The following SLC66A1 variants were observed in gnomAD, a reference collection of about 807,000 sequenced individuals.
SLC66A1 encodes the protein lysosomal amino acid transporter 1 homolog.
Under a neutral mutation model 33.0 loss-of-function variants are expected in SLC66A1, and 23 were observed. The ratio of observed to expected loss-of-function variants is 0.70; its 90% CI spans 0.50 to 0.99. The LOEUF (loss-of-function observed/expected upper bound fraction) is 0.99. Among genes scored for constraint, SLC66A1 ranks in the 50% least tolerant of loss-of-function variants. The pLI, the probability that SLC66A1 is intolerant of heterozygous loss-of-function variation, is 0.00. For synonymous variants in SLC66A1, 164 were observed against 175.5 expected, an observed-to-expected ratio of 0.93 and a Z score of 0.52; for missense variants, 335 against 383.6, an observed-to-expected ratio of 0.87 and a Z score of 1.06.
At chr1:19,318,949 G>A (rs1421250661) in intron 2 of SLC66A1, among the ~76,000 whole-genome samples, 2 of 152,142 alleles carry the variant, frequency 1.3e-5, no homozygotes, top group East Asian at 3.8e-4. Context: ...ACAGAGAAGG[G>A]GCAGCTGCGT....
chr1:19,328,166 G>T lies in SLC66A1; in HGVS notation c.805-406G>T, dbSNP rs561782328. Reference sequence around the variant, plus strand: ...TCTCATTTCGGAGCAAGTAAACATGGCCTTTGTTTTAATATTTGTTAAGTC... The same window carrying T: ...TCTCATTTCGGAGCAAGTAAACATGTCCTTTGTTTTAATATTTGTTAAGTC... On this transcript the variant is annotated intron_variant, in intron 7 of 7. Transcript: ENST00000375153. This position sits in a 1 kb window ranked among gnomAD's most constrained non-coding sequence, Gnocchi z 4.7. The T allele has an allele frequency of 3.5e-5, 11 of 312,004 alleles. No homozygotes were observed. The highest frequency in any genetic ancestry group is 1.2e-5 in the Non-Finnish European group (2 of 163,738). The allele number at this position is 312,004 out of a possible 1,614,324, so 19.3% of individuals were successfully genotyped here.
At chr1:19,326,719 C>T (rs931283388) in intron 6 of SLC66A1, 96 bp downstream of exon 6, 2 of 1,308,462 alleles carry the variant, frequency 1.5e-6, no homozygotes, top group African/African-American at 1.5e-5. Flanking sequence ...GCATAGGAGC[C>T]TTGGTTCAGA....
rs888896990 is a variant in SLC66A1, at chr1:19,319,774, G to A, written c.164+1933G>A. Among the ~76,000 whole-genome samples the A allele has an allele frequency of 3.3e-5, 5 of 150,954 alleles. No individual in the cohort carries two copies. The East Asian group carries it at 6.0e-4, about 18-fold the overall frequency. On this transcript the variant is annotated intron_variant, in intron 2 of 7. Transcript: ENST00000375153. ...AAAAATTAGCGGGGTGTGGTGGCGC[G>A]TGCCTGTGGTCCCAGCTACTCGGGA...
At chr1:19,323,807 C>A (rs913647054) in intron 2 of SLC66A1, among the ~76,000 whole-genome samples, 1 of 152,178 alleles carries the variant, frequency 6.6e-6, no homozygotes, top group African/African-American at 2.4e-5. Flanking sequence ...TGGTTAAGAG[C>A]AAGACCGGAG....
Position 19,328,031 on chromosome 1 carries a change from G to A in SLC66A1, c.805-541G>A, listed in dbSNP as rs1448479597. 5 of 243,808 alleles carry A rather than the reference G, an allele frequency of 2.1e-5. No individual in the cohort carries two copies. Among genetic ancestry groups the A allele is most frequent in the Non-Finnish European group, 2.5e-5 (3 of 122,124 alleles). The allele number at this position is 243,808 out of a possible 1,614,324, so 15.1% of individuals were successfully genotyped here. A position where few individuals can be genotyped will look rare whatever the true frequency, so the allele number is the denominator to read the frequency against. On this transcript the variant is annotated intron_variant, in intron 7 of 7. Coordinates refer to ENST00000375153, the MANE Select transcript of SLC66A1 (RefSeq NM_001040125.2). The surrounding 1 kb of genome is among the most constrained non-coding windows in gnomAD (Gnocchi z 4.7). The stretch of plus-strand genomic sequence containing the variant: ...CACCTCAGTTAACAGCCACTGTCTC[G>A]TCAGGATGTTGTGTAAGATGAGGTA...
At position 19,328,990 on chromosome 1, in the gene SLC66A1, C is replaced by A. The variant is rs1253292616; in HGVS notation, c.*347C>A. On this transcript the variant is annotated 3_prime_UTR_variant, in exon 8 of 8. Transcript: ENST00000375153. The surrounding 1 kb of genome is among the most constrained non-coding windows in gnomAD (Gnocchi z 4.7). The stretch of plus-strand genomic sequence containing the variant: ...TGAATAAACAGGCCGGGTACAGTGG[C>A]TCGCACCTGTAATCCTAGCACTTTG... 1 of 348,412 alleles carries A rather than the reference C, an allele frequency of 2.9e-6. No individual in the cohort carries two copies. The highest frequency in any genetic ancestry group is 5.3e-6 in the Non-Finnish European group (1 of 187,950). 21.6% of individuals were successfully genotyped at this position (348,412 alleles called of 1,614,324 possible). A position where few individuals can be genotyped will look rare whatever the true frequency, so the allele number is the denominator to read the frequency against.
In SLC66A1 at chr1:19,329,018, A is replaced by G; in HGVS notation, c.*375A>G. ...GCACCTGTAATCCTAGCACTTTGGG[A>G]GGCCGAAGCGGGTGGACCACTTGAC... On this transcript the variant is annotated 3_prime_UTR_variant, in exon 8 of 8. Coordinates refer to ENST00000375153, the MANE Select transcript of SLC66A1 (RefSeq NM_001040125.2). The G allele has an allele frequency of 4.0e-6, 1 of 247,138 alleles. No individual in the cohort carries two copies. The highest frequency in any genetic ancestry group is 2.3e-5 in the African/African-American group (1 of 44,092). 15.3% of individuals were successfully genotyped at this position (247,138 alleles called of 1,614,324 possible). A position where few individuals can be genotyped will look rare whatever the true frequency, so the allele number is the denominator to read the frequency against.
At position 19,312,770 on chromosome 1, in the gene SLC66A1, C is replaced by A; in HGVS notation, c.-198C>A. On this transcript the variant is annotated 5_prime_UTR_variant, in exon 1 of 8. Transcript: ENST00000375153. ...TGAGTCACCAGGAGGGAGCTGTGGC[C>A]GAGGACGCCGAGGCCTGGAGTGGGT... The A allele has an allele frequency of 6.5e-6, 1 of 153,150 alleles. No individual in the cohort carries two copies. The highest frequency in any genetic ancestry group is 1.5e-5 in the Non-Finnish European group (1 of 68,342). The allele number at this position is 153,150 out of a possible 1,614,324, so 9.5% of individuals were successfully genotyped here.
At chr1:19,314,538 T>C (rs1273334868) in intron 1 of SLC66A1, among the ~76,000 whole-genome samples, 1 of 152,194 alleles carries the variant, frequency 6.6e-6, no homozygotes, top group African/African-American at 2.4e-5. Context: ...TGCTGGACTC[T>C]CATCCTGAAA....
chr1:19,327,971 G>T, intron 7 of SLC66A1: 1 of 258,038 alleles, frequency 3.9e-6, no homozygotes, highest in Non-Finnish European at 7.8e-6. Flanking sequence ...TGTGACGCAG[G>T]GCACACAGTC....
chr1:19,322,835 C>A (rs1236847909), intron 2 of SLC66A1, among the ~76,000 whole-genome samples: 1 of 152,078 alleles, frequency 6.6e-6, no homozygotes, highest in Non-Finnish European at 1.5e-5. Context: ...AAGGCTCTGG[C>A]AGTTTTTGGT....
At position 19,324,561 on chromosome 1, in the gene SLC66A1, G is replaced by A. The variant is rs76224895; in HGVS notation, c.165-72G>A. 7,216 of 1,575,314 alleles carry A rather than the reference G, an allele frequency of 4.6e-3. 287 individuals are homozygous for A. The African/African-American group carries it at 0.084, about 18-fold the overall frequency. ...ATCCCCATGGTCGTCTCCTCTGGGCGGTGTCCCCTATAAGGCGGCATCCCC... is the reference window on the plus strand; with the variant it reads ...ATCCCCATGGTCGTCTCCTCTGGGCAGTGTCCCCTATAAGGCGGCATCCCC... On this transcript the variant is annotated intron_variant, in intron 2 of 7. Transcript: ENST00000375153.
At position 19,328,054 on chromosome 1, in the gene SLC66A1, G is replaced by A. The variant is rs2093878861; in HGVS notation, c.805-518G>A. 4.0e-6 allele frequency: 1 copy of A among 248,858 alleles called. No individual in the cohort carries two copies. The highest frequency in any genetic ancestry group is 8.0e-6 in the Non-Finnish European group (1 of 125,092). 15.4% of individuals were successfully genotyped at this position (248,858 alleles called of 1,614,324 possible). ...TCGTCAGGATGTTGTGTAAGATGAG[G>A]TATCTGGAAACACTCCCCACAGGAC... On this transcript the variant is annotated intron_variant, in intron 7 of 7. Transcript: ENST00000375153. This position sits in a 1 kb window ranked among gnomAD's most constrained non-coding sequence, Gnocchi z 4.7.
In SLC66A1 at chr1:19,328,607, C is replaced by G. The variant is rs574416915; in HGVS notation, c.840C>G (p.Thr280=). The G allele has an allele frequency of 6.2e-7, 1 of 1,613,750 alleles. No homozygotes were observed. Among genetic ancestry groups the G allele is most frequent in the Admixed American group, 1.7e-5 (1 of 60,004 alleles). ...SIQFLVYRRS[T]AASELEPLLP... is the part of the protein sequence containing the mutation. ...AGTTCCTGGTGTACAGGCGCAGCAC[C>G]GCCGCCTCGGAGCTTGAGCCCCTCC... The change falls in exon 8 of 8, where the codon ACC becomes ACG. Residue 280 remains threonine (T), a synonymous_variant. Coordinates refer to ENST00000375153, the MANE Select transcript of SLC66A1 (RefSeq NM_001040125.2). The surrounding 1 kb of genome is among the most constrained non-coding windows in gnomAD (Gnocchi z 4.7).
intron 6 of SLC66A1, 115 bp from the exon 7 acceptor site, chr1:19,327,110 GAA>G: frequency 1.9e-6 from 2 of 1,075,474 alleles, no homozygotes; most frequent in Non-Finnish European, 1.4e-6. Flanking sequence ...GGCACCCAGG[GAA>G]AGATTGGCTC....
downstream of SLC66A1, among the ~76,000 whole-genome samples, chr1:19,334,043 C>A (rs888557768): frequency 1.6e-4 from 24 of 152,244 alleles, no homozygotes; most frequent in Non-Finnish European, 2.9e-5. Flanking sequence ...TCCAGGCCCC[C>A]AGCCTGGGAC....
rs534337607 is a variant in SLC66A1 at position 19,320,808 on chromosome 1, G to A, written c.164+2967G>A. On this transcript the variant is annotated intron_variant, in intron 2 of 7. Coordinates refer to ENST00000375153, the MANE Select transcript of SLC66A1 (RefSeq NM_001040125.2). The stretch of plus-strand genomic sequence containing the variant: ...GCTCACTGTAACCTCTGCCTCCCGG[G>A]TTCAAGCGATTCTCCTGCCTCAGCC... Among the ~76,000 whole-genome samples, 278 of 149,480 alleles carry A rather than the reference G, an allele frequency of 1.9e-3. 30 individuals carry two copies. Among genetic ancestry groups the A allele is most frequent in the African/African-American group, 6.8e-3 (267 of 39,078 alleles).
intron 1 of SLC66A1, among the ~76,000 whole-genome samples, chr1:19,314,187 G>C (rs1478375491): frequency 6.6e-6 from 1 of 152,184 alleles, no homozygotes; most frequent in Non-Finnish European, 1.5e-5. Flanking sequence ...AGGCCTTTCT[G>C]TTCAGGGATC....
rs56769657 is a variant in SLC66A1 at position 19,319,605 on chromosome 1, G to GTTTTTTTTTTGTTTTTTTTTTTGTTTT, written c.164+1774_164+1775insGTTTTTTTTTTTGTTTTTTTTTTTTTT. 1.1e-4 allele frequency among the ~76,000 whole-genome samples: 12 copies of GTTTTTTTTTTGTTTTTTTTTTTGTTTT among 111,856 alleles called. 2 individuals are homozygous for GTTTTTTTTTTGTTTTTTTTTTTGTTTT. The highest frequency in any genetic ancestry group is 4.4e-4 in the African/African-American group (11 of 24,838). 73.4% of individuals were successfully genotyped at this position (111,856 alleles called of 152,430 possible). On this transcript the variant is annotated intron_variant, in intron 2 of 7. Transcript: ENST00000375153. Reference sequence around the variant, plus strand: ...GATTAATGTTGCTGTGCACATTCATGTTTTTTTTTTTTTTTTGCCTGGTGC... The same window carrying GTTTTTTTTTTGTTTTTTTTTTTGTTTT: ...GATTAATGTTGCTGTGCACATTCATGTTTTTTTTTTGTTTTTTTTTTTGTTTTTTTTTTTTTTTTTTTTGCCTGGTGC...
Sources: gnomAD v4.1 joint callset for allele counts (sites outside exome capture counted in the v4.1 genomes callset) on GRCh38, gnomAD v4.1.1 for gene constraint, Gnocchi (gnomAD v3.1) non-coding constraint, MANE v1.5 for transcripts, NCBI Gene and HGNC (gene_info 2026-07-23, HGNC 2026-07-21) for gene names.